FBXO25: variants seen among roughly 807,000 people sequenced by gnomAD.
FBXO25 encodes the protein F-box protein 25.
A neutral mutation model predicts 51.9 loss-of-function variants in FBXO25; 45 were observed. That is an observed-to-expected ratio of 0.87 (90% confidence interval 0.68 to 1.11). The LOEUF (loss-of-function observed/expected upper bound fraction) is 1.11. Among genes scored for constraint, FBXO25 ranks in the 50% most tolerant of loss-of-function variants. The probability of loss-of-function intolerance (pLI) is 0.00; values close to 1 mark genes in which losing one functional copy is unlikely to be tolerated. For synonymous variants in FBXO25, 199 were observed against 151.0 expected, an observed-to-expected ratio of 1.32 and a Z score of -2.33; for missense variants, 507 against 428.5, an observed-to-expected ratio of 1.18 and a Z score of -1.62.
intron 4 of FBXO25, among the ~76,000 whole-genome samples, chr8:433,642 G>A (rs1273255725): frequency 2.0e-5 from 3 of 152,136 alleles, no homozygotes; most frequent in East Asian, 1.9e-4. Flanking sequence ...ACTAGGATCC[G>A]GGAAGTTGAG....
intron 5 of FBXO25, among the ~76,000 whole-genome samples, chr8:440,735 C>T (rs1176858456): frequency 6.6e-6 from 1 of 152,058 alleles, no homozygotes; most frequent in African/African-American, 2.4e-5. Context: ...TATCTGTCCC[C>T]TAGCCCCCCA....
At chr8:435,017 C>T (rs1798020239) in intron 4 of FBXO25, among the ~76,000 whole-genome samples, 2 of 152,172 alleles carry the variant, frequency 1.3e-5, no homozygotes, top group African/African-American at 4.8e-5. Context: ...CCCTCTCCAT[C>T]CCAATGCTGG....
At chr8:468,589 T>C in intron 9 of FBXO25, 126 bp from the exon 10 acceptor site, 1 of 648,460 alleles carries the variant, frequency 1.5e-6, no homozygotes, top group Non-Finnish European at 2.6e-6. Flanking sequence ...CCAAGTTATC[T>C]CCCATGTACC....
chr8:471,866 CTG>C lies in FBXO25; in HGVS notation c.*3066_*3067del, dbSNP rs779945423. On this transcript the variant is annotated 3_prime_UTR_variant, in exon 10 of 10. Transcript: ENST00000350302. ...ACTGTACAGGGCTGTACACAGCAAA[CTG>C]TGTCTACTTTATGGAAAAAATTTAA... is the stretch of plus-strand genomic sequence containing the variant. 4 of 152,206 alleles carry C rather than the reference CTG, an allele frequency of 2.6e-5. No homozygotes were observed. The highest frequency in any genetic ancestry group is 1.9e-4 in the East Asian group (1 of 5,194). The allele number at this position is 152,206 out of a possible 1,614,324, so 9.4% of individuals were successfully genotyped here.
At chr8:447,321 A>T (rs1798802052) in intron 5 of FBXO25, among the ~76,000 whole-genome samples, 1 of 152,002 alleles carries the variant, frequency 6.6e-6, no homozygotes, top group Admixed American at 6.6e-5. Flanking sequence ...CCTTCCCCCA[A>T]CCCTGAGGGC....
At chr8:425,223 C>A (rs765265432) in intron 2 of FBXO25, among the ~76,000 whole-genome samples, 5 of 151,822 alleles carry the variant, frequency 3.3e-5, no homozygotes, top group Non-Finnish European at 5.9e-5. Context: ...TTTCCCTAAT[C>A]TTTATAGTTT....
chr8:457,269 G>T (rs73669395), intron 7 of FBXO25, among the ~76,000 whole-genome samples: 5,299 of 152,210 alleles, frequency 0.035, 292 homozygotes, highest in African/African-American at 0.12. Flanking sequence ...GAGAATGAAG[G>T]GATTTATTTA....
At chr8:465,162 C>T (rs1187177316) in intron 9 of FBXO25, among the ~76,000 whole-genome samples, 1 of 151,916 alleles carries the variant, frequency 6.6e-6, no homozygotes, top group Non-Finnish European at 1.5e-5. Context: ...GGTTCCCAGC[C>T]AGCTTTGACA....
intron 5 of FBXO25, among the ~76,000 whole-genome samples, chr8:445,871 CACAAA>C (rs1268889845): frequency 6.6e-6 from 1 of 152,178 alleles, no homozygotes; most frequent in Non-Finnish European, 1.5e-5. Context: ...AACTCCGTCT[CACAAA>C]ACAAAACAAA....
At chr8:443,946 C>G (rs1800455697) in intron 5 of FBXO25, among the ~76,000 whole-genome samples, 1 of 152,234 alleles carries the variant, frequency 6.6e-6, no homozygotes, top group Non-Finnish European at 1.5e-5. Flanking sequence ...GGCACAAGCA[C>G]AGATTGTGGG....
chr8:465,586 CT>C (rs1173378767), intron 9 of FBXO25, among the ~76,000 whole-genome samples: 1 of 152,194 alleles, frequency 6.6e-6, no homozygotes, highest in African/African-American at 2.4e-5. Context: ...TCAAGTCTCC[CT>C]TATCTGAAAT....
intron 5 of FBXO25, among the ~76,000 whole-genome samples, chr8:448,829 A>G (rs540979700): frequency 6.6e-6 from 1 of 152,372 alleles, no homozygotes; most frequent in African/African-American, 2.4e-5. Flanking sequence ...TTTTATCACA[A>G]TGTGGAACAG....
chr8:441,575 G>GA (rs1056659710), intron 5 of FBXO25, among the ~76,000 whole-genome samples: 1 of 152,142 alleles, frequency 6.6e-6, no homozygotes, highest in Admixed American at 6.5e-5. Flanking sequence ...TCACAGCGAA[G>GA]AGGCAACCTA....
intron 5 of FBXO25, among the ~76,000 whole-genome samples, chr8:438,931 G>C (rs1287574015): frequency 6.6e-6 from 1 of 152,170 alleles, no homozygotes; most frequent in Non-Finnish European, 1.5e-5. Flanking sequence ...TCCCAGTTGA[G>C]CCCCAGGAGC....
chr8:413,865 C>G (rs1796638168), intron 2 of FBXO25, among the ~76,000 whole-genome samples: 1 of 152,078 alleles, frequency 6.6e-6, no homozygotes, highest in Non-Finnish European at 1.5e-5. Context: ...AGCCATGTGT[C>G]CAGATAAAAA....
In FBXO25 at chr8:474,467, A is replaced by G. The variant is rs986345853; in HGVS notation, c.*5663A>G. On this transcript the variant is annotated 3_prime_UTR_variant, in exon 10 of 10. Transcript: ENST00000350302. ...AATCCTATGTTTAATTTCTTAGGGC[A>G]CTGCCATAAGTGTTTTACACGGTGG... The G allele has an allele frequency of 1.9e-5, 6 of 311,090 alleles. No individual in the cohort carries two copies. The highest frequency in any genetic ancestry group is 3.7e-5 in the Non-Finnish European group (6 of 161,490). The allele number at this position is 311,090 out of a possible 1,614,324, so 19.3% of individuals were successfully genotyped here. A position where few individuals can be genotyped will look rare whatever the true frequency, so the allele number is the denominator to read the frequency against.
At chr8:467,210 T>C (rs140375718) in intron 9 of FBXO25, among the ~76,000 whole-genome samples, 1 of 152,284 alleles carries the variant, frequency 6.6e-6, no homozygotes, top group Non-Finnish European at 1.5e-5. Flanking sequence ...GAAAGTGGCA[T>C]TCACTGGCCT....
chr8:468,811 C>G lies in FBXO25; in HGVS notation c.*7C>G. On this transcript the variant is annotated 3_prime_UTR_variant, in exon 10 of 10. Transcript: ENST00000350302. Reference sequence around the variant, plus strand: ...CGACCTCTTCAAGTTTTAAGGGCTGCCCCTGCCATCCCTATTGGAGATTGT... The same window carrying G: ...CGACCTCTTCAAGTTTTAAGGGCTGGCCCTGCCATCCCTATTGGAGATTGT... The G allele has an allele frequency of 1.2e-6, 2 of 1,612,726 alleles. No individual in the cohort carries two copies. The highest frequency in any genetic ancestry group is 8.5e-7 in the Non-Finnish European group (1 of 1,179,174).
Position 466,630 on chromosome 8 carries a change from A to G in FBXO25, c.988-2085A>G, listed in dbSNP as rs899261565. Among the ~76,000 whole-genome samples, 3 of 152,172 alleles carry G rather than the reference A, an allele frequency of 2.0e-5. No individual in the cohort carries two copies. The South Asian group carries it at 6.2e-4, about 32-fold the overall frequency. On this transcript the variant is annotated intron_variant, in intron 9 of 9. Transcript: ENST00000350302. ...CATGGTGCATCTGTCTCAGGTCTGC[A>G]TCTGGTATTTATCACTTCCCACAGT...
Sources: gnomAD v4.1 joint callset for allele counts (sites outside exome capture counted in the v4.1 genomes callset) on GRCh38, gnomAD v4.1.1 for gene constraint, MANE v1.5 for transcripts, NCBI Gene and HGNC (gene_info 2026-07-23, HGNC 2026-07-21) for gene names.